The following MACC1 variants were observed in gnomAD, a reference collection of about 807,000 sequenced individuals.
MACC1 encodes metastasis-associated in colon cancer protein 1.
A neutral mutation model predicts 70.7 loss-of-function variants in MACC1; 79 were observed. That is an observed-to-expected ratio of 1.12 (90% CI 0.93 to 1.35). The LOEUF is 1.35. Ranked by LOEUF, MACC1 falls within the 40% of genes most tolerant of loss-of-function variation. The pLI, the probability that MACC1 is intolerant of heterozygous loss-of-function variation, is 0.00. For synonymous variants in MACC1, 361 were observed against 347.2 expected, an observed-to-expected ratio of 1.04 and a Z score of -0.44; for missense variants, 1,106 against 978.1, an observed-to-expected ratio of 1.13 and a Z score of -1.74.
rs186571500 is a variant in MACC1 at position 20,174,955 on chromosome 7, A to G, written c.-217-4177T>C. ...AAATATTCTAATACTAAATATATCAACCCTTCATATGTTGTATATCACATA... is the reference window on the plus strand; with the variant it reads ...AAATATTCTAATACTAAATATATCAGCCCTTCATATGTTGTATATCACATA... On this transcript the variant is annotated intron_variant, in intron 1 of 6. Transcript: ENST00000400331. Among the ~76,000 whole-genome samples the G allele has an allele frequency of 7.8e-4, 119 of 152,078 alleles. No individual in the cohort carries two copies. The Middle Eastern group carries it at 0.02, about 26-fold the overall frequency.
chr7:20,202,526 A>T (rs547744076), intron 1 of MACC1, among the ~76,000 whole-genome samples: 1 of 152,334 alleles, frequency 6.6e-6, no homozygotes, highest in African/African-American at 2.4e-5. Flanking sequence ...AAAACTCTCC[A>T]ATCTTCAATT....
chr7:20,206,911 T>C (rs1184740527), intron 1 of MACC1, among the ~76,000 whole-genome samples: 1 of 152,218 alleles, frequency 6.6e-6, no homozygotes, highest in Non-Finnish European at 1.5e-5. Context: ...CCCCAGTCAC[T>C]GTTGCCAATC....
At chr7:20,169,121 T>C (rs137971154) in intron 2 of MACC1, among the ~76,000 whole-genome samples, 2 of 152,348 alleles carry the variant, frequency 1.3e-5, no homozygotes, top group East Asian at 3.9e-4. Context: ...AGCAAAGCTG[T>C]AGTACTTTCA....
At chr7:20,168,647 C>T (rs1782257219) in intron 2 of MACC1, among the ~76,000 whole-genome samples, 1 of 152,222 alleles carries the variant, frequency 6.6e-6, no homozygotes, top group Non-Finnish European at 1.5e-5. Context: ...GATGTCATCT[C>T]ACCCAAAGGC....
chr7:20,211,902 A>C (rs751451544), intron 1 of MACC1, among the ~76,000 whole-genome samples: 30 of 152,250 alleles, frequency 2.0e-4, no homozygotes, highest in Non-Finnish European at 3.4e-4. Context: ...ATTAATCTTA[A>C]AAGTATAATG....
At chr7:20,199,050 G>C (rs938019920) in intron 1 of MACC1, among the ~76,000 whole-genome samples, 2 of 152,224 alleles carry the variant, frequency 1.3e-5, no homozygotes, top group Non-Finnish European at 2.9e-5. Context: ...AGTATGTAAG[G>C]AGAATGGCAA....
At chr7:20,163,075 TAAAC>T (rs1440730324) in intron 3 of MACC1, among the ~76,000 whole-genome samples, 1 of 151,862 alleles carries the variant, frequency 6.6e-6, no homozygotes, top group East Asian at 1.9e-4. Flanking sequence ...CGCAAATCAA[TAAAC>T]AAAATAAAAC....
intron 6 of MACC1, among the ~76,000 whole-genome samples, chr7:20,149,885 G>A (rs1245424505): frequency 6.6e-6 from 1 of 152,108 alleles, no homozygotes; most frequent in Non-Finnish European, 1.5e-5. Context: ...TAATACAGTG[G>A]TTAGGACTTT....
chr7:20,183,524 C>T (rs1176508794), intron 1 of MACC1, among the ~76,000 whole-genome samples: 1 of 152,092 alleles, frequency 6.6e-6, no homozygotes, highest in Non-Finnish European at 1.5e-5. Context: ...ATGGTTATTG[C>T]CTTAAATCTC....
chr7:20,211,897 T>A (rs1193082496), intron 1 of MACC1, among the ~76,000 whole-genome samples: 2 of 152,202 alleles, frequency 1.3e-5, no homozygotes, highest in Non-Finnish European at 2.9e-5. Flanking sequence ...CATGGATTAA[T>A]CTTAAAAGTA....
chr7:20,214,449 T>C (rs1783041213), intron 1 of MACC1, among the ~76,000 whole-genome samples: 1 of 152,158 alleles, frequency 6.6e-6, no homozygotes. Flanking sequence ...CACTACCAAT[T>C]GCCACCTGAA....
intron 1 of MACC1, among the ~76,000 whole-genome samples, chr7:20,202,522 C>T (rs1447725506): frequency 6.6e-6 from 1 of 152,172 alleles, no homozygotes; most frequent in African/African-American, 2.4e-5. Flanking sequence ...TTCTAAAACT[C>T]TCCAATCTTC....
intron 1 of MACC1, among the ~76,000 whole-genome samples, chr7:20,184,319 GT>G (rs1782553636): frequency 6.6e-6 from 1 of 152,130 alleles, no homozygotes; most frequent in Non-Finnish European, 1.5e-5. Flanking sequence ...GCTGAAATTT[GT>G]TGGATTTAAA....
chr7:20,160,281 T>C, intron 4 of MACC1, 36 bp from the exon 5 acceptor site: 1 of 1,513,996 alleles, frequency 6.6e-7, no homozygotes, highest in Non-Finnish European at 8.8e-7. Flanking sequence ...AAAACAAAGA[T>C]AAGGTGGCAC....
chr7:20,182,487 G>C (rs1782525129), intron 1 of MACC1, among the ~76,000 whole-genome samples: 1 of 152,138 alleles, frequency 6.6e-6, no homozygotes, highest in African/African-American at 2.4e-5. Context: ...CTTAGTGTAA[G>C]AACATGTCAA....
At chr7:20,165,766 T>C (rs958041728) in intron 2 of MACC1, among the ~76,000 whole-genome samples, 2 of 152,184 alleles carry the variant, frequency 1.3e-5, no homozygotes, top group Non-Finnish European at 2.9e-5. Flanking sequence ...AATAGAGTAC[T>C]CTAGTATTCA....
intron 2 of MACC1, chr7:20,170,361 T>C (rs180707700): frequency 6.7e-6 from 1 of 149,802 alleles, no homozygotes; most frequent in East Asian, 1.9e-4. Context: ...AAATGATAAT[T>C]CTTCTCTGTT....
intron 1 of MACC1, among the ~76,000 whole-genome samples, chr7:20,216,675 C>A (rs1783075472): frequency 6.6e-6 from 1 of 152,136 alleles, no homozygotes; most frequent in African/African-American, 2.4e-5. Flanking sequence ...AAGTTACCCT[C>A]CATCATGTAT....
chr7:20,203,352 G>A (rs536592011), intron 1 of MACC1, among the ~76,000 whole-genome samples: 3 of 152,222 alleles, frequency 2.0e-5, no homozygotes, highest in Admixed American at 6.5e-5. Context: ...TGAGGGCTCC[G>A]AAGTTGGAAG....
Sources: allele counts gnomAD v4.1 joint callset (sites outside exome capture counted in the v4.1 genomes callset), GRCh38; gene constraint gnomAD v4.1.1; transcripts MANE v1.5; gene names NCBI Gene and HGNC (gene_info 2026-07-23, HGNC 2026-07-21).